CA10: variants seen among roughly 807,000 people sequenced by gnomAD.
The protein encoded by CA10 is carbonic anhydrase 10 (inactive), also known as carbonic anhydrase-related protein 10.
In CA10, 14 loss-of-function variants were observed where a neutral mutation model predicts 44.2. The ratio of observed to expected loss-of-function variants is 0.32; its 90% CI spans 0.21 to 0.50. The LOEUF is 0.50. CA10 is among the 20% of genes least tolerant of loss of function. The pLI, the probability that CA10 is intolerant of heterozygous loss-of-function variation, is 0.99. For missense variants in CA10, 350 were observed against 409.7 expected, an observed-to-expected ratio of 0.85 and a Z score of 1.26; for synonymous variants, 159 against 141.6, an observed-to-expected ratio of 1.12 and a Z score of -0.87.
intron 3 of CA10, among the ~76,000 whole-genome samples, chr17:51,812,891 G>C (rs1486340967): frequency 6.6e-6 from 1 of 152,214 alleles, no homozygotes; most frequent in African/African-American, 2.4e-5. Flanking sequence ...GAGGGGACCT[G>C]CTTAACCATC....
At chr17:51,984,623 G>A (rs1657357793) in intron 2 of CA10, among the ~76,000 whole-genome samples, 4 of 151,782 alleles carry the variant, frequency 2.6e-5, no homozygotes, top group African/African-American at 9.6e-5. Context: ...GCAAGATTAA[G>A]CAAGAAAAGA....
intron 1 of CA10, among the ~76,000 whole-genome samples, chr17:52,141,769 GA>G (rs1989485315): frequency 6.6e-6 from 1 of 152,130 alleles, no homozygotes; most frequent in South Asian, 2.1e-4. Context: ...GTTTAGGGAA[GA>G]GAAAAAAACC....
chr17:52,139,261 G>C lies in CA10; in HGVS notation c.61+18465C>G, dbSNP rs983910896. Among the ~76,000 whole-genome samples, 9 of 152,288 alleles carry C rather than the reference G, an allele frequency of 5.9e-5. No individual in the cohort carries two copies. The East Asian group carries it at 9.6e-4, about 16-fold the overall frequency. On this transcript the variant is annotated intron_variant, in intron 1 of 8. Coordinates refer to ENST00000451037, the MANE Select transcript of CA10 (RefSeq NM_020178.5). Reference sequence around the variant, plus strand: ...CTGGTCAGCATGGATGCACCCCTCAGTGATTTTCAAAGCACTTTATGGCCT... The same window carrying C: ...CTGGTCAGCATGGATGCACCCCTCACTGATTTTCAAAGCACTTTATGGCCT...
intron 3 of CA10, among the ~76,000 whole-genome samples, chr17:51,802,174 G>T (rs1180035729): frequency 6.6e-6 from 1 of 152,192 alleles, no homozygotes; most frequent in African/African-American, 2.4e-5. Context: ...AGGGCTTGGG[G>T]TAGAGTTGAG....
chr17:51,815,508 A>T (rs1907531035), intron 3 of CA10, among the ~76,000 whole-genome samples: 1 of 152,098 alleles, frequency 6.6e-6, no homozygotes. Context: ...CCTGCCTCTT[A>T]CCATGGATTG....
intron 4 of CA10, among the ~76,000 whole-genome samples, chr17:51,739,455 C>T (rs1277878165): frequency 2.0e-5 from 3 of 152,150 alleles, no homozygotes; most frequent in East Asian, 1.9e-4. Flanking sequence ...TCCTTTCTTC[C>T]GATGAAGCAT....
chr17:52,155,153 A>G (rs1370654335), intron 1 of CA10, among the ~76,000 whole-genome samples: 1 of 152,210 alleles, frequency 6.6e-6, no homozygotes, highest in Non-Finnish European at 1.5e-5. Flanking sequence ...GTTTCTCAAT[A>G]ATGAAGCCAA....
intron 3 of CA10, among the ~76,000 whole-genome samples, chr17:51,830,774 T>A (rs937784062): frequency 1.3e-5 from 2 of 152,174 alleles, no homozygotes; most frequent in African/African-American, 4.8e-5. Context: ...TGTGTTTGTG[T>A]CATCTAGTAG....
chr17:52,139,501 G>A (rs2143377664), intron 1 of CA10, among the ~76,000 whole-genome samples: 1 of 147,298 alleles, frequency 6.8e-6, no homozygotes, highest in East Asian at 2.0e-4. Flanking sequence ...TCTGTTCGGT[G>A]TCTTTTGCTT....
chr17:51,741,771 A>C (rs1309371885), intron 4 of CA10, among the ~76,000 whole-genome samples: 1 of 152,230 alleles, frequency 6.6e-6, no homozygotes, highest in Admixed American at 6.5e-5. Context: ...TTTATTGACT[A>C]TCCTCAAGTC....
At chr17:51,870,464 G>A (rs887979542) in intron 3 of CA10, among the ~76,000 whole-genome samples, 2 of 152,192 alleles carry the variant, frequency 1.3e-5, no homozygotes, top group Non-Finnish European at 2.9e-5. Flanking sequence ...CCATCAAGGT[G>A]CTATAAAATA....
At chr17:52,136,660 T>C (rs1257262329) in intron 1 of CA10, among the ~76,000 whole-genome samples, 4 of 152,130 alleles carry the variant, frequency 2.6e-5, no homozygotes, top group Non-Finnish European at 5.9e-5. Context: ...CAGCTAGAAA[T>C]AGGGTCCTGG....
chr17:51,919,473 C>T (rs1982137974), intron 3 of CA10, among the ~76,000 whole-genome samples: 1 of 152,154 alleles, frequency 6.6e-6, no homozygotes, highest in South Asian at 2.1e-4. Context: ...TCTCAGGCTG[C>T]TTGACAGGTG....
chr17:51,772,421 A>G (rs1182385252), intron 3 of CA10, among the ~76,000 whole-genome samples: 1 of 152,242 alleles, frequency 6.6e-6, no homozygotes, highest in Non-Finnish European at 1.5e-5. Flanking sequence ...AAAAAGTGAT[A>G]TAAAATAAGA....
intron 2 of CA10, among the ~76,000 whole-genome samples, chr17:52,049,786 A>C (rs1007851563): frequency 6.6e-6 from 1 of 152,112 alleles, no homozygotes; most frequent in Non-Finnish European, 1.5e-5. Context: ...AACAGAATAC[A>C]TTTATGTGCT....
chr17:51,865,112 C>A (rs1423005661), intron 3 of CA10, among the ~76,000 whole-genome samples: 1 of 152,166 alleles, frequency 6.6e-6, no homozygotes, highest in Non-Finnish European at 1.5e-5. Context: ...GTCTCTTCAT[C>A]ACCTTCTGAA....
intron 2 of CA10, among the ~76,000 whole-genome samples, chr17:52,041,434 C>G (rs889298048): frequency 1.3e-5 from 2 of 151,974 alleles, no homozygotes; most frequent in Non-Finnish European, 2.9e-5. Context: ...TTTTACTCCC[C>G]AGCTTTATTA....
intron 2 of CA10, among the ~76,000 whole-genome samples, chr17:51,966,709 A>C (rs761821800): frequency 3.3e-5 from 5 of 151,934 alleles, no homozygotes; most frequent in Non-Finnish European, 7.4e-5. Context: ...TTAATTCAGA[A>C]TGAATTAAAG....
chr17:52,058,951 G>A (rs1987303247), intron 2 of CA10, among the ~76,000 whole-genome samples: 2 of 152,274 alleles, frequency 1.3e-5, no homozygotes, highest in East Asian at 1.9e-4. Context: ...GTCTAGCAGA[G>A]TGTCTGGCAC....
Sources: allele counts gnomAD v4.1 joint callset (sites outside exome capture counted in the v4.1 genomes callset), GRCh38; gene constraint gnomAD v4.1.1; transcripts MANE v1.5; gene names NCBI Gene and HGNC (gene_info 2026-07-23, HGNC 2026-07-21).